SCNN1B: variants seen among roughly 807,000 people sequenced by gnomAD.
SCNN1B encodes the protein epithelial sodium channel subunit beta.
In SCNN1B, 46 loss-of-function variants were observed where a neutral mutation model predicts 65.3. That is an observed-to-expected ratio of 0.70 (90% CI 0.56 to 0.90). The LOEUF is 0.90. Among genes scored for constraint, SCNN1B ranks in the 40% least tolerant of loss-of-function variants. The pLI, the probability that SCNN1B is intolerant of heterozygous loss-of-function variation, is 0.00. For synonymous variants in SCNN1B, 349 were observed against 330.6 expected (o/e 1.06, Z -0.60); for missense variants, 751 against 830.5 (o/e 0.90, Z 1.18).
intron 2 of SCNN1B, among the ~76,000 whole-genome samples, chr16:23,352,434 A>C (rs1247544216): frequency 6.6e-6 from 1 of 152,188 alleles, no homozygotes; most frequent in African/African-American, 2.4e-5. Flanking sequence ...GGTGTGGGTG[A>C]TTAGATCATA....
chr16:23,300,697 C>T (rs112129997), upstream of SCNN1B, among the ~76,000 whole-genome samples: 5 of 151,930 alleles, frequency 3.3e-5, no homozygotes, highest in East Asian at 1.9e-4. Context: ...TTTAATTAGC[C>T]GGAAGCAGTG....
At chr16:23,303,931 C>A in intron 1 of SCNN1B, 3 of 742,476 alleles carry the variant, frequency 4.0e-6, no homozygotes, top group South Asian at 3.0e-5. Flanking sequence ...AAAAATAGAA[C>A]TAGAAGTAGA....
intron 2 of SCNN1B, among the ~76,000 whole-genome samples, chr16:23,290,273 A>C (rs1240986099): frequency 6.6e-6 from 1 of 152,038 alleles, no homozygotes; most frequent in Non-Finnish European, 1.5e-5. Flanking sequence ...ATTGTTATTG[A>C]AATTATTATT....
At chr16:23,320,743 G>A (rs1189557739) in intron 1 of SCNN1B, among the ~76,000 whole-genome samples, 1 of 152,220 alleles carries the variant, frequency 6.6e-6, no homozygotes, top group African/African-American at 2.4e-5. Flanking sequence ...TGAGCCCCAG[G>A]TATGAAGTCG....
chr16:23,305,581 A>ATATATATATAAATAT (rs1961198632), intron 1 of SCNN1B, among the ~76,000 whole-genome samples: 1 of 33,412 alleles, frequency 3.0e-5, no homozygotes, highest in Non-Finnish European at 4.9e-5. Context: ...TATATATTAT[A>ATATATATATAAATAT]TATATATATA....
Position 23,348,370 on chromosome 16 carries a change from C to T in SCNN1B, c.-8-222C>T, listed in dbSNP as rs1365029844. ...ATTTGAGTGCCTGGCATATAGTAGG[C>T]ATTCAATAAATGCATTTTGGTTGAT... On this transcript the variant is annotated intron_variant, in intron 1 of 12. Coordinates refer to ENST00000343070, the MANE Select transcript of SCNN1B (RefSeq NM_000336.3). The surrounding 1 kb of genome is among the most constrained non-coding windows in gnomAD (Gnocchi z 4.5). Among the ~76,000 whole-genome samples the T allele has an allele frequency of 6.8e-6, 1 of 146,602 alleles. No homozygotes were observed. The highest frequency in any genetic ancestry group is 1.5e-5 in the Non-Finnish European group (1 of 67,608).
At chr16:23,328,322 A>C (rs1961739327) in intron 1 of SCNN1B, among the ~76,000 whole-genome samples, 1 of 152,240 alleles carries the variant, frequency 6.6e-6, no homozygotes, top group South Asian at 2.1e-4. Flanking sequence ...ACAAAACTAA[A>C]GTAGATATTT....
chr16:23,347,173 A>G (rs1257521665), intron 1 of SCNN1B, among the ~76,000 whole-genome samples: 3 of 152,186 alleles, frequency 2.0e-5, no homozygotes, highest in East Asian at 3.8e-4. Context: ...TGCCTCTAGC[A>G]TCTCAGGGCA....
intron 2 of SCNN1B, among the ~76,000 whole-genome samples, chr16:23,296,034 G>T (rs530580093): frequency 1.3e-5 from 2 of 152,184 alleles, no homozygotes; most frequent in African/African-American, 4.8e-5. Context: ...TGGATTTCTG[G>T]GAACAATGTG....
intron 7 of SCNN1B, among the ~76,000 whole-genome samples, chr16:23,373,350 A>G (rs1451931689): frequency 1.3e-5 from 2 of 151,452 alleles, no homozygotes; most frequent in Non-Finnish European, 2.9e-5. Flanking sequence ...TTGGTCTTGA[A>G]CTCCTGGGCT....
rs72654325 is a variant in SCNN1B, at chr16:23,355,265, C to T, written c.586-34C>T. On this transcript the variant is annotated intron_variant, in intron 3 of 12. Coordinates refer to ENST00000343070, the MANE Select transcript of SCNN1B (RefSeq NM_000336.3). The stretch of plus-strand genomic sequence containing the variant: ...GCTGGGGTCCTGCTAGCAGCTCCCA[C>T]GCCACCCACAAAAACCCCTCTTGGC... The T allele has an allele frequency of 2.6e-4, 423 of 1,608,786 alleles. 2 individuals are homozygous for T. The African/African-American group carries it at 4.9e-3, about 19-fold the overall frequency.
intron 1 of SCNN1B, among the ~76,000 whole-genome samples, chr16:23,318,806 G>A (rs1961526650): frequency 6.6e-6 from 1 of 152,180 alleles, no homozygotes; most frequent in Non-Finnish European, 1.5e-5. Flanking sequence ...GTCACCCATA[G>A]GAAGGCAGCT....
chr16:23,346,322 G>A (rs1367883806), intron 1 of SCNN1B, among the ~76,000 whole-genome samples: 1 of 141,488 alleles, frequency 7.1e-6, no homozygotes, highest in East Asian at 2.1e-4. Flanking sequence ...CCACCTCCCA[G>A]GCTAAAGCAG....
chr16:23,372,497 C>CTTT (rs200783041), intron 7 of SCNN1B, among the ~76,000 whole-genome samples: 85 of 137,472 alleles, frequency 6.2e-4, no homozygotes, highest in African/African-American at 2.1e-3. Context: ...TGAGAAGTCC[C>CTTT]TTTTTTTTTT....
chr16:23,290,433 G>A (rs1330470480), intron 2 of SCNN1B, among the ~76,000 whole-genome samples: 5 of 152,044 alleles, frequency 3.3e-5, no homozygotes, highest in African/African-American at 4.8e-5. Flanking sequence ...TCAGCCTCCC[G>A]AGTAGCTGGG....
intron 7 of SCNN1B, among the ~76,000 whole-genome samples, chr16:23,372,915 C>T (rs1962815259): frequency 6.7e-6 from 1 of 148,772 alleles, no homozygotes; most frequent in Non-Finnish European, 1.5e-5. Flanking sequence ...GCCTGGCCAA[C>T]ATGGTGAAAC....
intron 1 of SCNN1B, among the ~76,000 whole-genome samples, chr16:23,321,531 G>T (rs569361423): frequency 6.6e-6 from 1 of 152,316 alleles, no homozygotes; most frequent in Non-Finnish European, 1.5e-5. Flanking sequence ...AGGGGTATTA[G>T]GAGGCTTGGA....
At chr16:23,312,023 A>AC (rs1487222917) in intron 1 of SCNN1B, among the ~76,000 whole-genome samples, 3 of 151,552 alleles carry the variant, frequency 2.0e-5, no homozygotes, top group Non-Finnish European at 2.9e-5. Flanking sequence ...GGCCTTCATT[A>AC]CCCCACTACA....
At chr16:23,315,099 G>A (rs1465736441) in intron 1 of SCNN1B, among the ~76,000 whole-genome samples, 1 of 152,352 alleles carries the variant, frequency 6.6e-6, no homozygotes, top group Non-Finnish European at 1.5e-5. Context: ...CACTTTGGGA[G>A]GCCAAGGCGG....
Sources: gnomAD v4.1 joint callset for allele counts (sites outside exome capture counted in the v4.1 genomes callset) on GRCh38, gnomAD v4.1.1 for gene constraint, Gnocchi (gnomAD v3.1) non-coding constraint, MANE v1.5 for transcripts, NCBI Gene and HGNC (gene_info 2026-07-23, HGNC 2026-07-21) for gene names.